NID1: variants seen among roughly 807,000 people sequenced by gnomAD.
The protein encoded by NID1 is nidogen 1.
Under a neutral mutation model 130.6 loss-of-function variants are expected in NID1, and 76 were observed. That is an observed-to-expected ratio of 0.58 (90% CI 0.48 to 0.70). The LOEUF is 0.70. Ranked by LOEUF, NID1 falls within the 30% of genes least tolerant of loss-of-function variation. The pLI, the probability that NID1 is intolerant of heterozygous loss-of-function variation, is 0.00. For missense variants in NID1, 1,517 were observed against 1,664.8 expected (o/e 0.91, Z 1.54); for synonymous variants, 665 against 675.1 (o/e 0.98, Z 0.23).
intron 1 of NID1, among the ~76,000 whole-genome samples, chr1:236,062,943 C>T (rs1660082247): frequency 1.3e-5 from 2 of 149,718 alleles, no homozygotes. Context: ...ATCACGAGGT[C>T]AGGAGTTCAA....
intron 14 of NID1, among the ~76,000 whole-genome samples, chr1:235,986,364 T>A (rs1657574123): frequency 6.6e-6 from 1 of 151,858 alleles, no homozygotes; most frequent in African/African-American, 2.4e-5. Flanking sequence ...AGATACAAAG[T>A]CAATATAAAA....
chr1:236,000,095 T>A (rs1322203148), intron 12 of NID1, among the ~76,000 whole-genome samples: 1 of 152,120 alleles, frequency 6.6e-6, no homozygotes, highest in Non-Finnish European at 1.5e-5. Context: ...GCGCCTGTAA[T>A]CCTAGCTATT....
At chr1:236,020,921 G>A (rs1275230093) in intron 9 of NID1, among the ~76,000 whole-genome samples, 1 of 152,204 alleles carries the variant, frequency 6.6e-6, no homozygotes, top group East Asian at 1.9e-4. Context: ...GGATTTTCTA[G>A]GATGGTGCAG....
chr1:235,998,331 T>A (rs999279456), intron 12 of NID1, among the ~76,000 whole-genome samples: 1 of 152,120 alleles, frequency 6.6e-6, no homozygotes, highest in Non-Finnish European at 1.5e-5. Flanking sequence ...AACAAAACAT[T>A]TGAAGTAGGA....
Position 236,038,086 on chromosome 1 carries a change from C to G in NID1, c.1285+18G>C. The G allele has an allele frequency of 6.3e-7, 1 of 1,585,762 alleles. No homozygotes were observed. The highest frequency in any genetic ancestry group is 8.6e-7 in the Non-Finnish European group (1 of 1,160,284). On this transcript the variant is annotated intron_variant, in intron 5 of 19. Transcript: ENST00000264187. ...TCCTCCTTCTCCCGCATGAAACGAA[C>G]ATAGAAAAGCAAATTACCTTCTGCA...
intron 12 of NID1, among the ~76,000 whole-genome samples, chr1:235,999,363 A>AG (rs1282118567): frequency 6.6e-6 from 1 of 152,118 alleles, no homozygotes; most frequent in Non-Finnish European, 1.5e-5. Context: ...TGTAAAAAGG[A>AG]GGGGGAACCT....
chr1:236,034,973 C>CTT (rs11371749), intron 5 of NID1, among the ~76,000 whole-genome samples: 10,652 of 131,414 alleles, frequency 0.081, 974 homozygotes, highest in African/African-American at 0.24. Flanking sequence ...GCAGAGTTTT[C>CTT]TTTTTTTTTT....
At position 236,029,617 on chromosome 1, in the gene NID1, C is replaced by A. The variant is rs370617487; in HGVS notation, c.1671G>T (p.Pro557=). The A allele has an allele frequency of 6.2e-7, 1 of 1,603,904 alleles. No homozygotes were observed. ...GCACGGAGGAGCCGAACGGAATCTG[C>A]GGCACGCGGCCCTCCAGCTCCGTGT... ...TIDTELEGRV[P]QIPFGSSVHI... is the part of the protein sequence containing the mutation. Residue 557 remains proline (P), a synonymous_variant, in exon 7 of 20, where the codon CCG becomes CCT. Transcript: ENST00000264187.
chr1:236,034,015 C>G (rs1659173053), intron 5 of NID1, among the ~76,000 whole-genome samples: 1 of 152,132 alleles, frequency 6.6e-6, no homozygotes, highest in Non-Finnish European at 1.5e-5. Context: ...CACAAATGTT[C>G]TTAGCAGCAT....
Position 236,042,108 on chromosome 1 carries a change from A to AGGGC in NID1, c.933_936dup (p.Phe313AlafsTer13). 1 of 1,614,168 alleles carries AGGGC rather than the reference A, an allele frequency of 6.2e-7. No homozygotes were observed. Among genetic ancestry groups the AGGGC allele is most frequent in the Non-Finnish European group, 8.5e-7 (1 of 1,180,034 alleles). On this transcript the variant is annotated frameshift_variant, in exon 4 of 20. Coordinates refer to ENST00000264187, the MANE Select transcript of NID1 (RefSeq NM_002508.3). LOFTEE classifies it high-confidence loss of function. Reference sequence around the variant, plus strand: ...CCCCTTCTCAGAGCCTTGTAGGAGAAGGGCGTGGTGCCCACATCCTCCAGG... The same window carrying AGGGC: ...CCCCTTCTCAGAGCCTTGTAGGAGAAGGGCGGGCGTGGTGCCCACATCCTCCAGG...
At chr1:235,992,725 A>C (rs1657793031) in intron 13 of NID1, among the ~76,000 whole-genome samples, 4 of 152,188 alleles carry the variant, frequency 2.6e-5, no homozygotes, top group Non-Finnish European at 5.9e-5. Context: ...CTGGCCCCTC[A>C]GTGAATGTTG....
chr1:236,052,456 G>A (rs1295745365), intron 1 of NID1, among the ~76,000 whole-genome samples: 1 of 152,150 alleles, frequency 6.6e-6, no homozygotes, highest in African/African-American at 2.4e-5. Flanking sequence ...ACCAATATTC[G>A]CTCAGTTGGT....
Position 236,017,280 on chromosome 1 carries a change from CAA to C in NID1, c.2129-9_2129-8del. On this transcript the variant is annotated splice_region_variant and splice_polypyrimidine_tract_variant and intron_variant, in intron 9 of 19. Coordinates refer to ENST00000264187, the MANE Select transcript of NID1 (RefSeq NM_002508.3). ...TCTGAACATTCATCAATATCTGCAG[CAA>C]AAATTTTTTTTTACTGCAGGCTTTT... is the stretch of plus-strand genomic sequence containing the variant. The C allele has an allele frequency of 6.2e-7, 1 of 1,611,746 alleles. No individual in the cohort carries two copies. Among genetic ancestry groups the C allele is most frequent in the Non-Finnish European group, 8.5e-7 (1 of 1,179,212 alleles).
chr1:236,032,651 A>T lies in NID1; in HGVS notation c.1287T>A (p.Gly429=), dbSNP rs767640827. 2.4e-5 allele frequency: 39 copies of T among 1,613,948 alleles called. No individual in the cohort carries two copies. The highest frequency in any genetic ancestry group is 3.3e-5 in the Non-Finnish European group (39 of 1,179,972). Residue 429 remains glycine, a splice_region_variant and synonymous_variant, in exon 6 of 20, where the codon GGT becomes GGA. Coordinates refer to ENST00000264187, the MANE Select transcript of NID1 (RefSeq NM_002508.3). Reference sequence around the variant, plus strand: ...CCTTGCCATTGACTCGCTGGGGGGAACCTGAGCAAGAAAACAAAGAAAGAA... The same window carrying T: ...CCTTGCCATTGACTCGCTGGGGGGATCCTGAGCAAGAAAACAAAGAAAGAA... ...TGNGRQCVAE[G]SPQRVNGKVK... is the part of the protein sequence containing the mutation.
chr1:235,999,570 G>A (rs34736792), intron 12 of NID1, among the ~76,000 whole-genome samples: 3 of 152,116 alleles, frequency 2.0e-5, no homozygotes, highest in East Asian at 1.9e-4. Context: ...TGCTAAAGAC[G>A]CATTTCCTGA....
chr1:235,986,655 T>G (rs949835456), intron 14 of NID1, among the ~76,000 whole-genome samples: 7 of 152,192 alleles, frequency 4.6e-5, no homozygotes, highest in Admixed American at 2.6e-4. Flanking sequence ...AGAGACAGCG[T>G]CTCACTATGT....
chr1:236,030,283 C>T (rs1659057905), intron 6 of NID1, among the ~76,000 whole-genome samples: 1 of 152,172 alleles, frequency 6.6e-6, no homozygotes, highest in African/African-American at 2.4e-5. Context: ...GGCTTAGGAA[C>T]TCCTCTTGGT....
chr1:236,003,466 G>T (rs1049631784), intron 12 of NID1, among the ~76,000 whole-genome samples: 1 of 152,172 alleles, frequency 6.6e-6, no homozygotes, highest in African/African-American at 2.4e-5. Context: ...CAGCAGTGAC[G>T]TGCACCAGCC....
At chr1:236,054,673 G>A (rs1006890293) in intron 1 of NID1, among the ~76,000 whole-genome samples, 2 of 150,566 alleles carry the variant, frequency 1.3e-5, no homozygotes, top group Non-Finnish European at 1.5e-5. Context: ...ACAGAGTCTC[G>A]CTCTGTCACC....
Sources: gnomAD v4.1 joint callset for allele counts (sites outside exome capture counted in the v4.1 genomes callset) on GRCh38, gnomAD v4.1.1 for gene constraint, MANE v1.5 for transcripts, NCBI Gene and HGNC (gene_info 2026-07-23, HGNC 2026-07-21) for gene names.